The following FAM124A variants were observed in gnomAD, a reference collection of about 807,000 sequenced individuals.
FAM124A encodes the protein protein FAM124A.
A neutral mutation model predicts 24.5 loss-of-function variants in FAM124A; 23 were observed. That is an observed-to-expected ratio of 0.94 (90% CI 0.68 to 1.33). FAM124A has a LOEUF of 1.33. Ranked by LOEUF, FAM124A falls within the 40% of genes most tolerant of loss-of-function variation. The probability of loss-of-function intolerance (pLI) is 0.00; values close to 1 mark genes in which losing one functional copy is unlikely to be tolerated. For missense variants in FAM124A, 623 were observed against 722.8 expected (o/e 0.86, Z 1.58); for synonymous variants, 287 against 314.7 (o/e 0.91, Z 0.93).
intron 2 of FAM124A, chr13:51,245,167 T>C: frequency 2.3e-6 from 1 of 426,476 alleles, no homozygotes; most frequent in African/African-American, 2.0e-5. Context: ...GAGGAGGTGG[T>C]GTCTGATTTA....
In FAM124A at chr13:51,252,190, A is replaced by G; in HGVS notation, c.823A>G (p.Ile275Val). 1 of 1,613,078 alleles carries G rather than the reference A, an allele frequency of 6.2e-7. No homozygotes were observed. Among genetic ancestry groups the G allele is most frequent in the Non-Finnish European group, 8.5e-7 (1 of 1,179,946 alleles). Residue 275 changes from isoleucine (I) to valine (V), a missense_variant, in exon 3 of 4, where the codon ATC becomes GTC. Physicochemically the swap from Ile to Val is conservative, Grantham distance 29. Coordinates refer to ENST00000322475, the MANE Select transcript of FAM124A (RefSeq NM_001242312.2). ...GACGGAGGACCATGATGGGAACAAGATCCTCCTACAGGTACTGGGGGGACG... is the reference window on the plus strand; with the variant it reads ...GACGGAGGACCATGATGGGAACAAGGTCCTCCTACAGGTACTGGGGGGACG... ...WQTEDHDGNKILLQAQRVHKK... is the reference protein window; with the variant it reads ...WQTEDHDGNKVLLQAQRVHKK...
chr13:51,275,902 A>G (rs1444218664), intron 3 of FAM124A, among the ~76,000 whole-genome samples: 1 of 152,196 alleles, frequency 6.6e-6, no homozygotes, highest in East Asian at 1.9e-4. Context: ...CATGTTGTTC[A>G]CCAAATGAGG....
intron 2 of FAM124A, among the ~76,000 whole-genome samples, chr13:51,246,566 C>T (rs1954564884): frequency 6.6e-6 from 1 of 152,128 alleles, no homozygotes; most frequent in Non-Finnish European, 1.5e-5. Context: ...AGGGTCTTAG[C>T]CACTTACATG....
At chr13:51,280,355 C>T in intron 3 of FAM124A, 95 bp from the exon 4 acceptor site, 3 of 1,105,296 alleles carry the variant, frequency 2.7e-6, no homozygotes, top group Non-Finnish European at 3.8e-6. Context: ...ATTGCCATGA[C>T]ATTGCCAGGA....
chr13:51,256,419 C>T (rs1422475874), intron 3 of FAM124A, among the ~76,000 whole-genome samples: 1 of 152,170 alleles, frequency 6.6e-6, no homozygotes, highest in Non-Finnish European at 1.5e-5. Flanking sequence ...GCTTAAAAGG[C>T]AGGAAAACCT....
intron 2 of FAM124A, among the ~76,000 whole-genome samples, chr13:51,250,359 A>G (rs1227165443): frequency 6.6e-6 from 1 of 152,184 alleles, no homozygotes; most frequent in Non-Finnish European, 1.5e-5. Context: ...TAGCCCCCTA[A>G]ATCACAATTG....
chr13:51,263,127 GAC>G (rs1566171911), intron 3 of FAM124A, among the ~76,000 whole-genome samples: 1 of 152,186 alleles, frequency 6.6e-6, no homozygotes, highest in Non-Finnish European at 1.5e-5. Context: ...TGGGGAGGGA[GAC>G]ACGCTGGCCC....
chr13:51,245,226 T>C (rs1954544292), intron 2 of FAM124A: 1 of 490,266 alleles, frequency 2.0e-6, no homozygotes, highest in Non-Finnish European at 3.7e-6. Context: ...TTGCATAAGA[T>C]GCAAAAAACT....
At chr13:51,252,503 T>G in intron 3 of FAM124A, 1 of 439,656 alleles carries the variant, frequency 2.3e-6, no homozygotes, top group Non-Finnish European at 4.0e-6. Context: ...TCCTGGGGAT[T>G]TCAAATGAGC....
At chr13:51,224,205 G>C (rs1374357145) in intron 1 of FAM124A, among the ~76,000 whole-genome samples, 1 of 152,204 alleles carries the variant, frequency 6.6e-6, no homozygotes. Flanking sequence ...GCGGTAGCTC[G>C]CGCCTATAAT....
intron 3 of FAM124A, among the ~76,000 whole-genome samples, chr13:51,261,656 C>T (rs1289636085): frequency 6.6e-6 from 1 of 152,170 alleles, no homozygotes; most frequent in Non-Finnish European, 1.5e-5. Context: ...CCCTCTTGCC[C>T]TTCCTTTCTC....
At chr13:51,273,686 A>G (rs1467195196) in intron 3 of FAM124A, among the ~76,000 whole-genome samples, 2 of 152,370 alleles carry the variant, frequency 1.3e-5, no homozygotes, top group East Asian at 3.9e-4. Context: ...GGAGAATTGA[A>G]GAAATTATCT....
chr13:51,237,364 A>G (rs61956862), intron 2 of FAM124A, among the ~76,000 whole-genome samples: 55,275 of 152,020 alleles, frequency 0.36, 11,291 homozygotes, highest in Non-Finnish European at 0.45. Context: ...CTACTCTACC[A>G]TCCACAGAGC....
Position 51,258,756 on chromosome 13 carries a change from ACT to A in FAM124A, c.834+6556_834+6557del, listed in dbSNP as rs1233909300. Among the ~76,000 whole-genome samples, 1 of 152,210 alleles carries A rather than the reference ACT, an allele frequency of 6.6e-6. No individual in the cohort carries two copies. The highest frequency in any genetic ancestry group is 1.5e-5 in the Non-Finnish European group (1 of 68,038). On this transcript the variant is annotated intron_variant, in intron 3 of 3. Coordinates refer to ENST00000322475, the MANE Select transcript of FAM124A (RefSeq NM_001242312.2). This position sits in a 1 kb window ranked among gnomAD's most constrained non-coding sequence, Gnocchi z 4.2. The stretch of plus-strand genomic sequence containing the variant: ...ATGGTAATTCTTCCCTAGCAGAGTC[ACT>A]GAGACCTGTGGGAAGAATGCCTCTG...
intron 1 of FAM124A, among the ~76,000 whole-genome samples, chr13:51,229,299 T>C (rs1008666483): frequency 6.6e-5 from 10 of 152,210 alleles, no homozygotes; most frequent in African/African-American, 2.4e-4. Flanking sequence ...GGCTGCTGTA[T>C]GTGGAGGGAA....
intron 2 of FAM124A, among the ~76,000 whole-genome samples, chr13:51,248,711 T>C (rs780466518): frequency 6.6e-5 from 10 of 152,170 alleles, no homozygotes; most frequent in Non-Finnish European, 1.3e-4. Flanking sequence ...GCCACTGCTG[T>C]CTCTTTCTCC....
chr13:51,267,430 C>T (rs980872986), intron 3 of FAM124A, among the ~76,000 whole-genome samples: 2 of 152,160 alleles, frequency 1.3e-5, no homozygotes, highest in Middle Eastern at 3.4e-3. Flanking sequence ...TTTTTCTAGA[C>T]CTCAAAAGAG....
rs1954696518 is a variant in FAM124A at position 51,258,308 on chromosome 13, T to C, written c.834+6107T>C. ...TCTGAGGTTACTAGGGGATGGAACT[T>C]GAACATATGAATTTTGAGGGGACAC... On this transcript the variant is annotated intron_variant, in intron 3 of 3. Transcript: ENST00000322475. This position sits in a 1 kb window ranked among gnomAD's most constrained non-coding sequence, Gnocchi z 4.2. Among the ~76,000 whole-genome samples, 1 of 152,240 alleles carries C rather than the reference T, an allele frequency of 6.6e-6. No homozygotes were observed. The highest frequency in any genetic ancestry group is 6.5e-5 in the Admixed American group (1 of 15,286).
chr13:51,225,267 G>A (rs1308068232), intron 1 of FAM124A: 2 of 152,196 alleles, frequency 1.3e-5, no homozygotes, highest in Admixed American at 6.5e-5. Flanking sequence ...CTGGAACTCA[G>A]AAGGGAGGTC....
Sources: allele counts gnomAD v4.1 joint callset (sites outside exome capture counted in the v4.1 genomes callset), GRCh38; gene constraint gnomAD v4.1.1; non-coding constraint Gnocchi (gnomAD v3.1); transcripts MANE v1.5; gene names NCBI Gene and HGNC (gene_info 2026-07-23, HGNC 2026-07-21).